Variants in GSE1 observed in about 807,000 individuals in gnomAD.
GSE1 encodes the protein genetic suppressor element 1.
Under a neutral mutation model 112.6 loss-of-function variants are expected in GSE1, and 32 were observed. That is an observed-to-expected ratio of 0.28 (90% CI 0.21 to 0.38). The LOEUF (loss-of-function observed/expected upper bound fraction) is 0.38, where lower values mean the gene tolerates loss of function less well. GSE1 is among the 10% of genes least tolerant of loss of function. The pLI is 1.00. For synonymous variants in GSE1, 1,115 were observed against 735.6 expected (o/e 1.52, Z -8.35); for missense variants, 2,348 against 1,699.2 (o/e 1.38, Z -6.71).
chr16:85,466,872 C>T (rs7204460), intron 2 of GSE1, among the ~76,000 whole-genome samples: 71,944 of 151,758 alleles, frequency 0.47, 18,641 homozygotes, highest in Non-Finnish European at 0.58. Context: ...CCAGCCTGGC[C>T]GAAATGGCGA....
At chr16:85,387,542 C>G (rs1290230563) in intron 2 of GSE1, among the ~76,000 whole-genome samples, 1 of 152,286 alleles carries the variant, frequency 6.6e-6, no homozygotes, top group African/African-American at 2.4e-5. Context: ...TGGTGAGGCC[C>G]TCCAGGATCA....
At chr16:85,365,358 C>T (rs1019109647) in intron 2 of GSE1, among the ~76,000 whole-genome samples, 1 of 152,246 alleles carries the variant, frequency 6.6e-6, no homozygotes, top group South Asian at 2.1e-4. Flanking sequence ...CGCACCACTC[C>T]TTCACTCCTG....
At chr16:85,669,577 T>A (rs2053161129) in intron 14 of GSE1, among the ~76,000 whole-genome samples, 1 of 152,194 alleles carries the variant, frequency 6.6e-6, no homozygotes, top group Non-Finnish European at 1.5e-5. Flanking sequence ...TTTAGTGCAC[T>A]CGTATATATC....
At chr16:85,376,897 G>A (rs890856657) in intron 2 of GSE1, among the ~76,000 whole-genome samples, 1 of 152,222 alleles carries the variant, frequency 6.6e-6, no homozygotes, top group Non-Finnish European at 1.5e-5. Flanking sequence ...TCCGCACACC[G>A]CACACCGCAC....
intron 1 of GSE1, among the ~76,000 whole-genome samples, chr16:85,195,107 G>A (rs1025272866): frequency 2.6e-5 from 4 of 152,160 alleles, no homozygotes; most frequent in Non-Finnish European, 5.9e-5. Context: ...CGTGTGAGGG[G>A]AGAGGAGGAA....
At chr16:85,233,236 C>T (rs1355160888) in intron 1 of GSE1, among the ~76,000 whole-genome samples, 1 of 152,276 alleles carries the variant, frequency 6.6e-6, no homozygotes, top group Non-Finnish European at 1.5e-5. Flanking sequence ...GTTTGTCAGC[C>T]AAGCACTCAT....
chr16:85,498,937 G>T (rs998507471), intron 2 of GSE1, among the ~76,000 whole-genome samples: 4 of 152,272 alleles, frequency 2.6e-5, no homozygotes, highest in Admixed American at 6.5e-5. Flanking sequence ...GCACAGACCG[G>T]GGAGAGAAGA....
chr16:85,232,677 G>A (rs1904300008), intron 1 of GSE1, among the ~76,000 whole-genome samples: 1 of 152,184 alleles, frequency 6.6e-6, no homozygotes, highest in Non-Finnish European at 1.5e-5. Flanking sequence ...CCAGCCAGTG[G>A]GGTCCTGCGA....
In GSE1 at chr16:85,663,412, G is replaced by A. The variant is rs1567753438; in HGVS notation, c.2442G>A (p.Lys814=). The change falls in exon 11 of 16, where the codon AAG becomes AAA. Residue 814 remains lysine, a synonymous_variant. Transcript: ENST00000253458. ...AGAAGGAGGAATTGGTGGCCCAGAAGCGGAGGAAGCGGCGGAGGATGCTGC... is the reference window on the plus strand; with the variant it reads ...AGAAGGAGGAATTGGTGGCCCAGAAACGGAGGAAGCGGCGGAGGATGCTGC... ...QQQKEELVAQ[K]RRKRRRMLRE... 5 of 1,613,948 alleles carry A rather than the reference G, an allele frequency of 3.1e-6. No homozygotes were observed. Among genetic ancestry groups the A allele is most frequent in the Non-Finnish European group, 4.2e-6 (5 of 1,180,032 alleles).
intron 2 of GSE1, among the ~76,000 whole-genome samples, chr16:85,420,714 G>T (rs1213975184): frequency 6.6e-6 from 1 of 152,206 alleles, no homozygotes; most frequent in Non-Finnish European, 1.5e-5. Context: ...CACTCTCAGG[G>T]GTGGCTAGCC....
At chr16:85,429,672 TC>T (rs1286087664) in intron 2 of GSE1, among the ~76,000 whole-genome samples, 2 of 152,094 alleles carry the variant, frequency 1.3e-5, no homozygotes, top group African/African-American at 2.4e-5. Context: ...CCCACAGGCC[TC>T]CTCCCCTGTC....
chr16:85,196,563 G>C (rs1412644133), intron 1 of GSE1, among the ~76,000 whole-genome samples: 1 of 152,124 alleles, frequency 6.6e-6, no homozygotes, highest in East Asian at 1.9e-4. Flanking sequence ...GGGGGAGTTT[G>C]GAGAGTTTTC....
At chr16:85,321,626 A>G (rs2151499688) in intron 1 of GSE1, among the ~76,000 whole-genome samples, 1 of 152,096 alleles carries the variant, frequency 6.6e-6, no homozygotes, top group East Asian at 1.9e-4. Context: ...ACAGAGCAAG[A>G]GCCAGCTCTT....
intron 2 of GSE1, among the ~76,000 whole-genome samples, chr16:85,466,953 G>T (rs926314131): frequency 1.3e-5 from 2 of 152,234 alleles, no homozygotes; most frequent in African/African-American, 4.8e-5. Context: ...CCAGTTACTT[G>T]ATAGGGTTAG....
intron 1 of GSE1, among the ~76,000 whole-genome samples, chr16:85,250,271 C>A (rs1382234010): frequency 6.6e-6 from 1 of 152,242 alleles, no homozygotes; most frequent in Non-Finnish European, 1.5e-5. Flanking sequence ...GGCAAAGGGT[C>A]CTGGGTTCCC....
intron 1 of GSE1, among the ~76,000 whole-genome samples, chr16:85,226,902 T>C (rs2075498161): frequency 6.6e-6 from 1 of 151,872 alleles, no homozygotes; most frequent in South Asian, 2.1e-4. Context: ...TTGCAGGCTC[T>C]TCATCTGGCC....
At chr16:85,547,994 G>A (rs961319908) in intron 2 of GSE1, among the ~76,000 whole-genome samples, 1 of 151,926 alleles carries the variant, frequency 6.6e-6, no homozygotes, top group Non-Finnish European at 1.5e-5. Context: ...TTGGGAGGCC[G>A]AGGCGGGCGG....
intron 1 of GSE1, among the ~76,000 whole-genome samples, chr16:85,198,256 G>C (rs1318928440): frequency 6.6e-6 from 1 of 152,232 alleles, no homozygotes; most frequent in Non-Finnish European, 1.5e-5. Context: ...AAAGACCGAA[G>C]TCATGTGTTC....
At chr16:85,346,017 G>A (rs1215022882) in intron 1 of GSE1, among the ~76,000 whole-genome samples, 2 of 151,994 alleles carry the variant, frequency 1.3e-5, no homozygotes, top group African/African-American at 4.8e-5. Context: ...CAGAGGGACA[G>A]GCAGTGGACA....
Sources: gnomAD v4.1 joint callset for allele counts (sites outside exome capture counted in the v4.1 genomes callset) on GRCh38, gnomAD v4.1.1 for gene constraint, MANE v1.5 for transcripts, NCBI Gene and HGNC (gene_info 2026-07-23, HGNC 2026-07-21) for gene names.